RMC1: variants seen among roughly 807,000 people sequenced by gnomAD.
The protein encoded by RMC1 is regulator of MON1-CCZ1 complex.
A neutral mutation model predicts 95.5 loss-of-function variants in RMC1; 44 were observed. The observed-to-expected ratio is 0.46, with a 90% CI of 0.36 to 0.59. The LOEUF (loss-of-function observed/expected upper bound fraction) is 0.59. Among genes scored for constraint, RMC1 ranks in the 20% least tolerant of loss-of-function variants. The pLI, the probability that RMC1 is intolerant of heterozygous loss-of-function variation, is 0.00. For missense variants in RMC1, 705 were observed against 819.6 expected, an observed-to-expected ratio of 0.86 and a Z score of 1.71; for synonymous variants, 320 against 303.6, an observed-to-expected ratio of 1.05 and a Z score of -0.56.
At chr18:23,504,959 C>T (rs2145116861) in intron 2 of RMC1, among the ~76,000 whole-genome samples, 1 of 152,322 alleles carries the variant, frequency 6.6e-6, no homozygotes, top group Non-Finnish European at 1.5e-5. Flanking sequence ...GATAAGCTAT[C>T]TGGCCACTGT....
intron 13 of RMC1, 48 bp from the exon 14 acceptor site, chr18:23,527,747 C>T (rs1332619409): frequency 4.1e-6 from 6 of 1,457,816 alleles, no homozygotes; most frequent in Non-Finnish European, 5.8e-6. Flanking sequence ...AATTCTGAAG[C>T]TGACATGAAG....
intron 5 of RMC1, among the ~76,000 whole-genome samples, chr18:23,512,355 G>A (rs2057885149): frequency 6.6e-6 from 1 of 151,790 alleles, no homozygotes; most frequent in Non-Finnish European, 1.5e-5. Flanking sequence ...ACATTACTAG[G>A]GAAGTAAGCA....
At chr18:23,508,484 C>G (rs2057768774) in intron 4 of RMC1, among the ~76,000 whole-genome samples, 2 of 152,094 alleles carry the variant, frequency 1.3e-5, no homozygotes, top group African/African-American at 4.8e-5. Context: ...CTTTCTTCTC[C>G]TAGGTGTTGA....
At position 23,503,620 on chromosome 18, in the gene RMC1, T is replaced by TGGGCGA. The variant is rs1320415674; in HGVS notation, c.5_10dup (p.Gly2_Glu3dup). ...CCCGCCGCGGGCGCGGCGCCCGCCA[T>TGGGCGA]GGGCGAGGAGGACTACTATCTGGAG... On this transcript the variant is annotated inframe_insertion, in exon 1 of 20. Transcript: ENST00000269221. 5.2e-6 allele frequency: 8 copies of TGGGCGA among 1,551,866 alleles called. No individual in the cohort carries two copies. The South Asian group carries it at 8.2e-5, about 16-fold the overall frequency.
At position 23,518,843 on chromosome 18, in the gene RMC1, A is replaced by G. The variant is rs74991954; in HGVS notation, c.654-47A>G. ...CCGTGATGCCATTTAGAACAAAGGA[A>G]TTTTGAATGGCCAGATGTGATTTAT... is the stretch of plus-strand genomic sequence containing the variant. On this transcript the variant is annotated intron_variant, in intron 7 of 19. Transcript: ENST00000269221. 6.5e-4 allele frequency: 1,016 copies of G among 1,561,090 alleles called. 14 individuals carry two copies. The East Asian group carries it at 0.02, about 30-fold the overall frequency.
At chr18:23,516,233 G>A in intron 6 of RMC1, 87 bp from the exon 7 acceptor site, 4 of 1,481,354 alleles carry the variant, frequency 2.7e-6, no homozygotes, top group Non-Finnish European at 3.8e-6. Flanking sequence ...CGAAGTCTGT[G>A]TTTATCCTTG....
chr18:23,505,845 T>TG (rs1174578501), intron 2 of RMC1, among the ~76,000 whole-genome samples: 2 of 151,276 alleles, frequency 1.3e-5, no homozygotes, highest in African/African-American at 4.9e-5. Context: ...AGTTTGTGGG[T>TG]GGGGGGAAGG....
intron 10 of RMC1, among the ~76,000 whole-genome samples, chr18:23,521,692 TCTC>T (rs1304083942): frequency 5.8e-4 from 40 of 69,526 alleles, no homozygotes; most frequent in East Asian, 2.0e-3. Context: ...ACACACTCTC[TCTC>T]TTTTTTTTTT....
Position 23,530,078 on chromosome 18 carries a change from T to A in RMC1, c.1545T>A (p.Phe515Leu), listed in dbSNP as rs747411365. ...AAACCCTTGTCCAGCACAACCTCTT[T>A]TATATGCTGCATCAGTTCCTGCAGT... Reference protein sequence around the residue: ...VIKTLVQHNLFYMLHQFLQYH... With the variant: ...VIKTLVQHNLLYMLHQFLQYH... The change falls in exon 17 of 20, where the codon TTT becomes TTA. Residue 515 changes from phenylalanine (F) to leucine (L), a missense_variant. Phe to Leu is a conservative substitution (Grantham distance 22). Transcript: ENST00000269221. The A allele has an allele frequency of 6.2e-7, 1 of 1,614,238 alleles. No homozygotes were observed. The highest frequency in any genetic ancestry group is 8.5e-7 in the Non-Finnish European group (1 of 1,180,044).
intron 7 of RMC1, among the ~76,000 whole-genome samples, chr18:23,516,757 G>A (rs1257247401): frequency 8.0e-6 from 1 of 125,398 alleles, no homozygotes; most frequent in Admixed American, 8.7e-5. Flanking sequence ...ACAGAGTCTT[G>A]TTCTGTCCCC....
chr18:23,526,692 C>A lies in RMC1; in HGVS notation c.1116C>A (p.Asp372Glu). ...AGCCCATAGTAAATCTCTTACCAGACAAAGGAAGACTCATGGACTTTCTCC... is the reference window on the plus strand; with the variant it reads ...AGCCCATAGTAAATCTCTTACCAGAAAAAGGAAGACTCATGGACTTTCTCC... Reference protein sequence around the residue: ...KLEPIVNLLPDKGRLMDFLLQ... With the variant: ...KLEPIVNLLPEKGRLMDFLLQ... Residue 372 changes from aspartate to glutamate, a missense_variant, in exon 13 of 20, where the codon GAC becomes GAA. Asp to Glu is a conservative substitution (Grantham distance 45). Coordinates refer to ENST00000269221, the MANE Select transcript of RMC1 (RefSeq NM_013326.5). The A allele has an allele frequency of 6.2e-7, 1 of 1,614,156 alleles. No homozygotes were observed. Among genetic ancestry groups the A allele is most frequent in the East Asian group, 2.2e-5 (1 of 44,890 alleles).
chr18:23,513,614 C>T (rs1032627317), intron 5 of RMC1, among the ~76,000 whole-genome samples: 3 of 152,174 alleles, frequency 2.0e-5, no homozygotes, highest in Non-Finnish European at 4.4e-5. Flanking sequence ...TTTAGGGAAC[C>T]GCTATACTGT....
At position 23,523,840 on chromosome 18, in the gene RMC1, A is replaced by G. The variant is rs574152320; in HGVS notation, c.962-290A>G. On this transcript the variant is annotated intron_variant, in intron 10 of 19. Coordinates refer to ENST00000269221, the MANE Select transcript of RMC1 (RefSeq NM_013326.5). ...AATTTCTCAGTTCCTTAACGTGCAT[A>G]TGTAAACGATCATGAGTCATCTTTG... Among the ~76,000 whole-genome samples the G allele has an allele frequency of 2.6e-5, 4 of 152,302 alleles. No homozygotes were observed. In the South Asian group the frequency reaches 6.2e-4, roughly 24 times the overall value.
intron 14 of RMC1, 106 bp downstream of exon 14, chr18:23,528,007 C>A (rs1035812682): frequency 2.1e-6 from 2 of 965,602 alleles, no homozygotes; most frequent in East Asian, 2.8e-5. Flanking sequence ...AGAATAAGGT[C>A]GCTGAGATTT....
intron 14 of RMC1, 65 bp from the exon 15 acceptor site, chr18:23,529,114 G>C: frequency 6.4e-7 from 1 of 1,562,058 alleles, no homozygotes. Context: ...CCTTGTGGAT[G>C]AACTGTAAAC....
intron 10 of RMC1, 77 bp from the exon 11 acceptor site, chr18:23,524,053 G>T: frequency 7.1e-7 from 1 of 1,412,392 alleles, no homozygotes; most frequent in South Asian, 1.2e-5. Flanking sequence ...AAAAAGTATT[G>T]ACTTTTGTGT....
intron 5 of RMC1, among the ~76,000 whole-genome samples, chr18:23,510,977 G>A (rs1252017243): frequency 6.6e-6 from 1 of 152,220 alleles, no homozygotes; most frequent in Admixed American, 6.5e-5. Context: ...ATTACTGGGT[G>A]TAATATGCAG....
intron 13 of RMC1, among the ~76,000 whole-genome samples, chr18:23,527,360 G>A (rs550867087): frequency 6.6e-6 from 1 of 151,782 alleles, no homozygotes; most frequent in Non-Finnish European, 1.5e-5. Flanking sequence ...TTGTGTCAGT[G>A]TACCTCCAGC....
Position 23,507,975 on chromosome 18 carries a change from T to C in RMC1, c.265-10T>C. 1 of 1,610,482 alleles carries C rather than the reference T, an allele frequency of 6.2e-7. No homozygotes were observed. Among genetic ancestry groups the C allele is most frequent in the East Asian group, 2.2e-5 (1 of 44,766 alleles). On this transcript the variant is annotated splice_polypyrimidine_tract_variant and intron_variant, in intron 3 of 19. Coordinates refer to ENST00000269221, the MANE Select transcript of RMC1 (RefSeq NM_013326.5). ...CAAATTTGTGTGTGTCTGTGTGTTT[T>C]TCCTTTCAGGATTTTTGTAATTTTA...
Sources: allele counts gnomAD v4.1 joint callset (sites outside exome capture counted in the v4.1 genomes callset), GRCh38; gene constraint gnomAD v4.1.1; transcripts MANE v1.5; gene names NCBI Gene and HGNC (gene_info 2026-07-23, HGNC 2026-07-21).